CKAP2: variants seen among roughly 807,000 people sequenced by gnomAD.
The protein encoded by CKAP2 is cytoskeleton-associated protein 2.
CKAP2 carries 46 observed loss-of-function variants against 58.4 expected under a neutral mutation model. The ratio of observed to expected loss-of-function variants is 0.79; its 90% CI spans 0.62 to 1.01. The LOEUF is 1.01. CKAP2 is among the 50% of genes least tolerant of loss of function. The probability of loss-of-function intolerance (pLI) is 0.00; values close to 1 mark genes in which losing one functional copy is unlikely to be tolerated. For synonymous variants in CKAP2, 293 were observed against 280.9 expected, an observed-to-expected ratio of 1.04 and a Z score of -0.43; for missense variants, 809 against 796.4, an observed-to-expected ratio of 1.02 and a Z score of -0.19.
chr13:52,471,772 A>T (rs1958764034), intron 7 of CKAP2, among the ~76,000 whole-genome samples: 1 of 152,070 alleles, frequency 6.6e-6, no homozygotes. Flanking sequence ...ATTTCTTAAG[A>T]TCTATCTACT....
intron 7 of CKAP2, among the ~76,000 whole-genome samples, chr13:52,470,105 C>A (rs546459418): frequency 3.6e-3 from 539 of 149,860 alleles, no homozygotes; most frequent in Non-Finnish European, 6.8e-3. Context: ...ACAGTTTGAA[C>A]TTTTTCTTTT....
chr13:52,455,498 T>C lies in CKAP2; in HGVS notation c.-59T>C. 6.2e-7 allele frequency: 1 copy of C among 1,600,768 alleles called. No individual in the cohort carries two copies. Among genetic ancestry groups the C allele is most frequent in the Non-Finnish European group, 8.6e-7 (1 of 1,169,250 alleles). Reference sequence around the variant, plus strand: ...GCGGTGCAGACTGCGGCGGCGGTGGTCTGAGGAAGTTCTATCTTGGCGCTA... The same window carrying C: ...GCGGTGCAGACTGCGGCGGCGGTGGCCTGAGGAAGTTCTATCTTGGCGCTA... On this transcript the variant is annotated 5_prime_UTR_variant, in exon 1 of 9. Transcript: ENST00000258607.
At chr13:52,466,982 G>A (rs538529359) in intron 6 of CKAP2, among the ~76,000 whole-genome samples, 25 of 151,786 alleles carry the variant, frequency 1.6e-4, no homozygotes, top group Middle Eastern at 6.8e-3. Context: ...GACAGTTGTG[G>A]TCACAGCTAT....
rs1476813414 is a variant in CKAP2 at position 52,461,615 on chromosome 13, C to G, written c.789C>G (p.Thr263=). 1.2e-6 allele frequency: 2 copies of G among 1,613,818 alleles called. No homozygotes were observed. Among genetic ancestry groups the G allele is most frequent in the African/African-American group, 2.7e-5 (2 of 74,902 alleles). The change falls in exon 4 of 9, where the codon ACC becomes ACG. Residue 263 remains threonine (T), a synonymous_variant. Coordinates refer to ENST00000258607, the MANE Select transcript of CKAP2 (RefSeq NM_018204.5). ...CTATTAGAAGTCATCACAGTAATAC[C>G]CGGGACACTGTGAAACAAGGCATCA... is the stretch of plus-strand genomic sequence containing the variant. ...RPPIRSHHSN[T]RDTVKQGISR...
chr13:52,460,960 C>T lies in CKAP2; in HGVS notation c.217C>T (p.Leu73Phe), dbSNP rs1304444920. The change falls in exon 3 of 9, where the codon CTT becomes TTT. Residue 73 changes from leucine to phenylalanine, a missense_variant. Physicochemically the swap from Leu to Phe is conservative, Grantham distance 22. Around this residue, in one of 3 missense-constraint regions of CKAP2, gnomAD observed 523 missense variants for 492.4 expected, o/e 1.06. Coordinates refer to ENST00000258607, the MANE Select transcript of CKAP2 (RefSeq NM_018204.5). ...TCAAGAAGGGACTAAAGTGCTGAAACTTAAAACAAAAATGGTAAGATGTGG... is the reference window on the plus strand; with the variant it reads ...TCAAGAAGGGACTAAAGTGCTGAAATTTAAAACAAAAATGGTAAGATGTGG... ...QVQEGTKVLKLKTKMADKENM... is the reference protein window; with the variant it reads ...QVQEGTKVLKFKTKMADKENM... 6.2e-7 allele frequency: 1 copy of T among 1,613,450 alleles called. No homozygotes were observed. The highest frequency in any genetic ancestry group is 1.1e-5 in the South Asian group (1 of 91,016).
intron 2 of CKAP2, among the ~76,000 whole-genome samples, chr13:52,460,305 A>T (rs1214507394): frequency 2.0e-5 from 3 of 152,196 alleles, no homozygotes; most frequent in Non-Finnish European, 2.9e-5. Context: ...CCAAGGAGGT[A>T]TTACTTACTA....
At chr13:52,465,089 A>T (rs75451458) in intron 5 of CKAP2, among the ~76,000 whole-genome samples, 3,073 of 152,320 alleles carry the variant, frequency 0.02, 106 homozygotes, top group African/African-American at 0.069. Flanking sequence ...AGGTATTAAC[A>T]AATGGAATCC....
intron 2 of CKAP2, among the ~76,000 whole-genome samples, chr13:52,459,716 C>T (rs564527324): frequency 1.3e-5 from 2 of 152,098 alleles, no homozygotes; most frequent in Non-Finnish European, 1.5e-5. Context: ...TCTAATTGAC[C>T]GTATTTTTTC....
At position 52,461,579 on chromosome 13, in the gene CKAP2, T is replaced by C; in HGVS notation, c.753T>C (p.Leu251=). 6.2e-7 allele frequency: 1 copy of C among 1,614,164 alleles called. No individual in the cohort carries two copies. The highest frequency in any genetic ancestry group is 1.3e-5 in the African/African-American group (1 of 75,060). ...FVSTTSQNTQ[L]VRPPIRSHHS... ...GCACTACATCTCAGAACACACAACTTGTGCGACCTCCTATTAGAAGTCATC... is the reference window on the plus strand; with the variant it reads ...GCACTACATCTCAGAACACACAACTCGTGCGACCTCCTATTAGAAGTCATC... Residue 251 remains leucine (L), a synonymous_variant, in exon 4 of 9, where the codon CTT becomes CTC. Transcript: ENST00000258607.
chr13:52,465,306 A>G lies in CKAP2; in HGVS notation c.1317A>G (p.Lys439=). The change falls in exon 6 of 9, where the codon AAA becomes AAG. Residue 439 remains lysine, a synonymous_variant. Coordinates refer to ENST00000258607, the MANE Select transcript of CKAP2 (RefSeq NM_018204.5). ...TCTTGCTTTTTTAGGGATGTCCAAA[A>G]GAAGATATACTGGTCACACTGAATG... ...CLNLINEGCP[K]EDILVTLNDL... 6.2e-7 allele frequency: 1 copy of G among 1,600,996 alleles called. No individual in the cohort carries two copies. Among genetic ancestry groups the G allele is most frequent in the Non-Finnish European group, 8.5e-7 (1 of 1,176,520 alleles).
intron 1 of CKAP2, 150 bp from the exon 2 acceptor site, chr13:52,456,373 A>G: frequency 4.1e-6 from 3 of 728,744 alleles, no homozygotes; most frequent in African/African-American, 1.8e-5. Flanking sequence ...CTCAAAGGCA[A>G]TATTGAATTG....
intron 6 of CKAP2, chr13:52,465,742 A>G (rs1003637646): frequency 2.5e-5 from 13 of 520,794 alleles, no homozygotes; most frequent in African/African-American, 3.8e-5. Context: ...ATATTATTGT[A>G]TGCATTTCCT....
Position 52,461,546 on chromosome 13 carries a change from A to G in CKAP2, c.720A>G (p.Lys240=). ...NRSSNMTATT[K]FVSTTSQNTQ... ...CCTCCAATATGACTGCCACTACTAA[A>G]TTTGTGAGCACTACATCTCAGAACA... Residue 240 remains lysine (K), a synonymous_variant, in exon 4 of 9, where the codon AAA becomes AAG. Transcript: ENST00000258607. The G allele has an allele frequency of 6.2e-7, 1 of 1,614,164 alleles. No individual in the cohort carries two copies. The highest frequency in any genetic ancestry group is 8.5e-7 in the Non-Finnish European group (1 of 1,180,034).
intron 7 of CKAP2, among the ~76,000 whole-genome samples, chr13:52,469,592 TA>T (rs59203904): frequency 0.012 from 1,790 of 143,826 alleles, 53 homozygotes; most frequent in African/African-American, 0.031. Context: ...TTTATTTATT[TA>T]TTTATTTTTT....
chr13:52,475,843 A>C lies in CKAP2; in HGVS notation c.*702A>C, dbSNP rs527787684. ...AAATACCGCATTTCTAAGAGAAGAT[A>C]CTTTGTGTAAGAAAAGATGCCACAT... On this transcript the variant is annotated 3_prime_UTR_variant, in exon 9 of 9. Transcript: ENST00000258607. 8 of 152,354 alleles carry C rather than the reference A, an allele frequency of 5.3e-5. No individual in the cohort carries two copies. Among genetic ancestry groups the C allele is most frequent in the African/African-American group, 1.9e-4 (8 of 41,588 alleles). The allele number at this position is 152,354 out of a possible 1,614,324, so 9.4% of individuals were successfully genotyped here. A position where few individuals can be genotyped will look rare whatever the true frequency, so the allele number is the denominator to read the frequency against.
At chr13:52,473,805 A>T (rs1455154486) in intron 7 of CKAP2, 24 bp from the exon 8 acceptor site, 2 of 1,561,468 alleles carry the variant, frequency 1.3e-6, no homozygotes, top group Non-Finnish European at 1.7e-6. Context: ...CCAAAAGCTT[A>T]ATCTATAAAT....
At chr13:52,456,328 AC>A (rs1358215324) in intron 1 of CKAP2, 194 bp from the exon 2 acceptor site, 1 of 678,674 alleles carries the variant, frequency 1.5e-6, no homozygotes, top group Admixed American at 3.6e-5. Flanking sequence ...GGTTTTGGGG[AC>A]CTGTTGTGGT....
intron 5 of CKAP2, among the ~76,000 whole-genome samples, chr13:52,463,689 A>G (rs1400186016): frequency 3.3e-5 from 5 of 152,202 alleles, no homozygotes; most frequent in Non-Finnish European, 7.3e-5. Flanking sequence ...GAAGCAGTTG[A>G]GGGACCAGGA....
At chr13:52,469,585 A>ATTTTTTTTTTTTT (rs768281163) in intron 7 of CKAP2, among the ~76,000 whole-genome samples, 1 of 144,084 alleles carries the variant, frequency 6.9e-6, no homozygotes, top group Non-Finnish European at 1.5e-5. Context: ...ATATTTATTT[A>ATTTTTTTTTTTTT]TTTATTTATT....
Sources: allele counts gnomAD v4.1 joint callset (sites outside exome capture counted in the v4.1 genomes callset), GRCh38; gene constraint gnomAD v4.1.1; regional missense constraint gnomAD v4.1.1; transcripts MANE v1.5; gene names NCBI Gene and HGNC (gene_info 2026-07-23, HGNC 2026-07-21).